Variants in MAGI1 observed in about 807,000 individuals in gnomAD.
The protein encoded by MAGI1 is membrane-associated guanylate kinase, WW and PDZ domain-containing protein 1.
MAGI1 carries 58 observed loss-of-function variants against 139.9 expected under a neutral mutation model. The observed-to-expected ratio is 0.41, with a 90% confidence interval of 0.34 to 0.52. The LOEUF is 0.52. Among genes scored for constraint, MAGI1 ranks in the 20% least tolerant of loss-of-function variants. The pLI is 0.12. For missense variants in MAGI1, 1,874 were observed against 1,901.6 expected, an observed-to-expected ratio of 0.99 and a Z score of 0.27; for synonymous variants, 812 against 737.9, an observed-to-expected ratio of 1.10 and a Z score of -1.63.
chr3:65,550,310 G>C (rs1453743465), intron 2 of MAGI1, among the ~76,000 whole-genome samples: 2 of 152,176 alleles, frequency 1.3e-5, no homozygotes, highest in African/African-American at 4.8e-5. Flanking sequence ...AGAAATGCTG[G>C]AGCAATGCCC....
At chr3:65,552,553 G>A (rs900182689) in intron 2 of MAGI1, among the ~76,000 whole-genome samples, 5 of 152,070 alleles carry the variant, frequency 3.3e-5, no homozygotes, top group Non-Finnish European at 7.4e-5. Flanking sequence ...TTTCTTAGAA[G>A]CCCTCTCAAG....
chr3:65,448,902 A>C (rs370714355), intron 6 of MAGI1, among the ~76,000 whole-genome samples: 1 of 152,120 alleles, frequency 6.6e-6, no homozygotes, highest in Non-Finnish European at 1.5e-5. Flanking sequence ...CATTTCATAC[A>C]TAATGTTTCC....
chr3:65,466,712 G>A (rs771791829), intron 5 of MAGI1, among the ~76,000 whole-genome samples: 2 of 152,182 alleles, frequency 1.3e-5, no homozygotes, highest in Non-Finnish European at 2.9e-5. Flanking sequence ...AGGTGGGGTG[G>A]AAGTCCTGAG....
Position 65,824,771 on chromosome 3 carries a change from A to G in MAGI1, c.314-202683T>C, listed in dbSNP as rs34563646. On this transcript the variant is annotated intron_variant, in intron 1 of 22. Transcript: ENST00000402939. ...GGCCATGTTACTACAAGTCATGGCTATTTTCTTGCCTACCAATAATTTAAC... is the reference window on the plus strand; with the variant it reads ...GGCCATGTTACTACAAGTCATGGCTGTTTTCTTGCCTACCAATAATTTAAC... 9.2e-3 allele frequency among the ~76,000 whole-genome samples: 1,401 copies of G among 152,296 alleles called. 21 individuals carry two copies. Among genetic ancestry groups the G allele is most frequent in the Non-Finnish European group, 0.011 (761 of 68,022 alleles).
intron 2 of MAGI1, among the ~76,000 whole-genome samples, chr3:65,556,377 C>T (rs2080086363): frequency 6.6e-6 from 1 of 152,178 alleles, no homozygotes; most frequent in Admixed American, 6.5e-5. Context: ...CCCTGCTGGT[C>T]CCCATGCCCT....
chr3:65,798,126 A>G (rs1427104058), intron 1 of MAGI1, among the ~76,000 whole-genome samples: 1 of 152,126 alleles, frequency 6.6e-6, no homozygotes, highest in Admixed American at 6.6e-5. Flanking sequence ...CAACATGGTG[A>G]AACCCTGTCT....
chr3:65,505,340 G>A (rs1243295528), intron 2 of MAGI1, among the ~76,000 whole-genome samples: 2 of 150,602 alleles, frequency 1.3e-5, no homozygotes, highest in African/African-American at 2.4e-5. Flanking sequence ...GACTTTGCAT[G>A]GTTAATGCTA....
chr3:65,976,206 A>G (rs760433421), intron 1 of MAGI1, among the ~76,000 whole-genome samples: 1 of 152,250 alleles, frequency 6.6e-6, no homozygotes, highest in Non-Finnish European at 1.5e-5. Context: ...TGTAAAAGTC[A>G]TAAGATATTC....
At chr3:65,868,301 C>G (rs1349873575) in intron 1 of MAGI1, among the ~76,000 whole-genome samples, 2 of 152,214 alleles carry the variant, frequency 1.3e-5, no homozygotes, top group African/African-American at 4.8e-5. Flanking sequence ...AGACCCCAAA[C>G]TAAATGCTCT....
At chr3:65,448,153 G>A (rs1948789264) in intron 6 of MAGI1, 96 bp from the exon 7 acceptor site, 2 of 1,067,140 alleles carry the variant, frequency 1.9e-6, no homozygotes, top group South Asian at 1.3e-5. Context: ...GAAAACAGCA[G>A]CAAACACATC....
intron 5 of MAGI1, among the ~76,000 whole-genome samples, chr3:65,469,497 T>C (rs1830021): frequency 0.57 from 85,469 of 150,922 alleles, 25,151 homozygotes; most frequent in East Asian, 0.95. Context: ...TTTTTTTTCC[T>C]TTTCAGAAAA....
chr3:65,971,061 G>A (rs1038211172), intron 1 of MAGI1, among the ~76,000 whole-genome samples: 1 of 152,178 alleles, frequency 6.6e-6, no homozygotes, highest in African/African-American at 2.4e-5. Context: ...AAATTAGCCA[G>A]GCATGGTGGC....
chr3:65,606,078 C>G (rs976675622), intron 2 of MAGI1, among the ~76,000 whole-genome samples: 4 of 152,288 alleles, frequency 2.6e-5, no homozygotes, highest in African/African-American at 9.6e-5. Context: ...TGTGCCAGAG[C>G]CTCTCTTGGT....
At chr3:66,007,930 TCTGTCACC>T (rs1346669689) in intron 1 of MAGI1, among the ~76,000 whole-genome samples, 79 of 136,858 alleles carry the variant, frequency 5.8e-4, no homozygotes, top group African/African-American at 2.1e-3. Flanking sequence ...AGAGTCTCAC[TCTGTCACC>T]CTGGTTGGAA....
Position 65,830,662 on chromosome 3 carries a change from G to T in MAGI1, c.313+207334C>A, listed in dbSNP as rs780382361. Among the ~76,000 whole-genome samples the T allele has an allele frequency of 4.7e-5, 6 of 127,852 alleles. No homozygotes were observed. The South Asian group carries it at 8.3e-4, about 18-fold the overall frequency. 83.9% of individuals were successfully genotyped at this position (127,852 alleles called of 152,430 possible). A position where few individuals can be genotyped will look rare whatever the true frequency, so the allele number is the denominator to read the frequency against. The stretch of plus-strand genomic sequence containing the variant: ...ATTTTCCATTGATTTATGATTCACA[G>T]TATTATATTATGCAATCTGTTAGAC... On this transcript the variant is annotated intron_variant, in intron 1 of 22. Transcript: ENST00000402939.
Position 65,375,782 on chromosome 3 carries a change from C to G in MAGI1, c.3159G>C (p.Ala1053=). The part of the protein sequence containing the change: ...HSDIVNLIKE[A]GNTVTLRIIP... The stretch of plus-strand genomic sequence containing the variant: ...TGATGCGGAGGGTAACTGTGTTTCC[C>G]GCTTCCTTGATTAGGTTCACAATGT... The change falls in exon 18 of 23, where the codon GCG becomes GCC. Residue 1053 remains alanine (A), a synonymous_variant. Coordinates refer to ENST00000402939, the MANE Select transcript of MAGI1 (RefSeq NM_001033057.2). 6.2e-7 allele frequency: 1 copy of G among 1,614,012 alleles called. No homozygotes were observed. The highest frequency in any genetic ancestry group is 8.5e-7 in the Non-Finnish European group (1 of 1,179,970).
intron 1 of MAGI1, among the ~76,000 whole-genome samples, chr3:65,907,129 A>C (rs560270161): frequency 6.6e-6 from 1 of 152,260 alleles, no homozygotes; most frequent in African/African-American, 2.4e-5. Context: ...CAAAATTAAC[A>C]TGAATTCTAC....
intron 2 of MAGI1, among the ~76,000 whole-genome samples, chr3:65,516,761 T>A (rs1441597510): frequency 1.5e-5 from 2 of 129,356 alleles, no homozygotes; most frequent in South Asian, 2.8e-4. Context: ...GGAGTCTCGC[T>A]CTGTGGCCCA....
chr3:65,627,485 CTTTTTTTTTTTTTTTTTTTTTTTT>C (rs779588733), intron 1 of MAGI1, among the ~76,000 whole-genome samples: 10 of 28,354 alleles, frequency 3.5e-4, no homozygotes, highest in Admixed American at 1.1e-3. Flanking sequence ...ATTTCTGTAT[CTTTTTTTTTTTTTTTTTTTTTTTT>C]TTTTTTTTTT....
Sources: gnomAD v4.1 joint callset for allele counts (sites outside exome capture counted in the v4.1 genomes callset) on GRCh38, gnomAD v4.1.1 for gene constraint, MANE v1.5 for transcripts, NCBI Gene and HGNC (gene_info 2026-07-23, HGNC 2026-07-21) for gene names.